PLAC1: variants seen among roughly 807,000 people sequenced by gnomAD.
PLAC1 encodes placenta-specific protein 1.
For synonymous variants in PLAC1, 68 were observed against 62.1 expected (o/e 1.09, Z -0.44); for missense variants, 136 against 163.2 (o/e 0.83, Z 0.91).
chrX:134,629,628 C>T (rs2078250923), intron 1 of PLAC1, among the ~76,000 whole-genome samples: 1 of 111,808 alleles, frequency 8.9e-6, no homozygotes, highest in Non-Finnish European at 1.9e-5. Context: ...TATTGCAGAA[C>T]TTGGGTCAAG....
Position 134,756,766 on chromosome X carries a change from G to A in PLAC1, n.89+7468C>T, listed in dbSNP as rs1487031578. Among the ~76,000 whole-genome samples the A allele has an allele frequency of 3.7e-5, 4 of 108,811 alleles. No homozygotes were observed. In the Admixed American group the frequency reaches 3.9e-4, roughly 11 times the overall value. 94.5% of individuals were successfully genotyped at this position (108,811 alleles called of 115,157 possible). A position where few individuals can be genotyped will look rare whatever the true frequency, so the allele number is the denominator to read the frequency against. ...CAGGAGGCTGAGGCAGGAGAATGGC[G>A]TGAACCCGGGAGGCGGAGGTTGCAT... On this transcript the variant is annotated intron_variant and non_coding_transcript_variant, in intron 1 of 2. Transcript: ENST00000466797.
At chrX:134,616,014 T>C (rs2078177401) in intron 1 of PLAC1, among the ~76,000 whole-genome samples, 1 of 110,824 alleles carries the variant, frequency 9.0e-6, no homozygotes, top group Admixed American at 9.7e-5. Flanking sequence ...AGGGTCTTGC[T>C]CATCACTCAG....
At chrX:134,623,962 A>G (rs1250952130) in intron 1 of PLAC1, among the ~76,000 whole-genome samples, 1 of 111,974 alleles carries the variant, frequency 8.9e-6, no homozygotes, top group Non-Finnish European at 1.9e-5. Flanking sequence ...CTCTCTGCTG[A>G]TAAGTGCATT....
chrX:134,684,411 TAAAAAAAA>T (rs10606569), intron 2 of PLAC1, among the ~76,000 whole-genome samples: 7 of 80,981 alleles, frequency 8.6e-5, no homozygotes, highest in Non-Finnish European at 1.2e-4. Flanking sequence ...GCTCTGCCAC[TAAAAAAAA>T]AAAAAAAAAA....
At chrX:134,686,886 T>C (rs1413623492) in intron 2 of PLAC1, among the ~76,000 whole-genome samples, 1 of 111,205 alleles carries the variant, frequency 9.0e-6, no homozygotes, top group Non-Finnish European at 1.9e-5. Flanking sequence ...TGGAAACCAA[T>C]GGGATGAATT....
At chrX:134,569,996 A>ATTTTTTTTTTTTT (rs1569373206) in intron 2 of PLAC1, among the ~76,000 whole-genome samples, 1 of 109,790 alleles carries the variant, frequency 9.1e-6, no homozygotes, top group African/African-American at 3.3e-5. Flanking sequence ...TGCCCTGCTA[A>ATTTTTTTTTTTTT]TTTTTGTATT....
chrX:134,663,193 C>G (rs748363902), upstream of PLAC1, among the ~76,000 whole-genome samples: 1 of 112,210 alleles, frequency 8.9e-6, no homozygotes, highest in African/African-American at 3.2e-5. Context: ...TTTTGACATG[C>G]ATTTTGTTGT....
chrX:134,745,970 G>A (rs1164522275), intron 1 of PLAC1, among the ~76,000 whole-genome samples: 2 of 111,717 alleles, frequency 1.8e-5, no homozygotes, highest in South Asian at 3.8e-4. Context: ...AAACACCAGC[G>A]TTAGTTTCAG....
At chrX:134,570,572 C>T (rs749772335) in intron 2 of PLAC1, among the ~76,000 whole-genome samples, 1 of 111,361 alleles carries the variant, frequency 9.0e-6, no homozygotes, top group Non-Finnish European at 1.9e-5. Flanking sequence ...TCACTGTAGC[C>T]CCATTTTGAC....
intron 2 of PLAC1, among the ~76,000 whole-genome samples, chrX:134,665,812 G>T (rs962154376): frequency 1.8e-5 from 2 of 111,071 alleles, no homozygotes; most frequent in Non-Finnish European, 3.8e-5. Flanking sequence ...ACCTGTCAAA[G>T]TCTGTGCCCA....
At chrX:134,633,913 A>G (rs1003170393) in intron 1 of PLAC1, among the ~76,000 whole-genome samples, 1 of 111,727 alleles carries the variant, frequency 9.0e-6, no homozygotes, top group African/African-American at 3.3e-5. Flanking sequence ...GGCAGGGGAA[A>G]GGGAAGTAGT....
chrX:134,735,423 A>G (rs1415409101), intron 1 of PLAC1, among the ~76,000 whole-genome samples: 1 of 105,692 alleles, frequency 9.5e-6, no homozygotes, highest in Non-Finnish European at 1.9e-5. Context: ...TGCTCTAAAG[A>G]TTTGTTAAAA....
In PLAC1 at chrX:134,566,434, C is replaced by A; in HGVS notation, c.249G>T (p.Arg83Ser). Residue 83 changes from arginine to serine, a missense_variant, in exon 3 of 3, where the codon AGG becomes AGT. Arg to Ser is a moderately radical substitution (Grantham distance 110, BLOSUM62 -1). Coordinates refer to ENST00000359237, the MANE Select transcript of PLAC1 (RefSeq NM_021796.4). ...CCATGTCCTGAGAGACAGCTTTGGC[C>A]CTGATGCCACATTCAGTAACACGGT... ...FTYRVTECGI[R>S]AKAVSQDMVI... is the part of the protein sequence containing the mutation. 8.3e-7 allele frequency: 1 copy of A among 1,211,698 alleles called. No individual in the cohort carries two copies. The highest frequency in any genetic ancestry group is 1.1e-6 in the Non-Finnish European group (1 of 895,510).
intron 2 of PLAC1, among the ~76,000 whole-genome samples, chrX:134,594,202 C>A (rs773966951): frequency 1.3e-4 from 14 of 111,666 alleles, no homozygotes; most frequent in Non-Finnish European, 2.6e-4. Context: ...GTGGTTCACA[C>A]TGATTGATTT....
chrX:134,638,333 A>G (rs924072253), intron 1 of PLAC1, among the ~76,000 whole-genome samples: 5 of 112,248 alleles, frequency 4.5e-5, no homozygotes, highest in African/African-American at 1.6e-4. Flanking sequence ...CATTTAGACT[A>G]AAGAGTTGTT....
At chrX:134,659,849 G>A (rs2078409237), upstream of PLAC1, among the ~76,000 whole-genome samples, 1 of 111,837 alleles carries the variant, frequency 8.9e-6, no homozygotes, top group Non-Finnish European at 1.9e-5. Flanking sequence ...AGAACAGAGA[G>A]ATTAAATAAC....
At position 134,731,822 on chromosome X, in the gene PLAC1, T is replaced by G. The variant is rs370011021; in HGVS notation, n.174+1613A>C. Reference sequence around the variant, plus strand: ...ATCCCAGCACTATGGCCTCCATCCTTGGGAGCTTTTGCCTCCTTGAGACAC... The same window carrying G: ...ATCCCAGCACTATGGCCTCCATCCTGGGGAGCTTTTGCCTCCTTGAGACAC... On this transcript the variant is annotated intron_variant and non_coding_transcript_variant, in intron 2 of 2. Coordinates refer to the PLAC1 transcript ENST00000466797. Among the ~76,000 whole-genome samples the G allele has an allele frequency of 3.6e-4, 40 of 112,016 alleles. No individual in the cohort carries two copies. The South Asian group carries it at 0.015, about 41-fold the overall frequency.
upstream of PLAC1, among the ~76,000 whole-genome samples, chrX:134,661,797 A>G (rs142167733): frequency 8.1e-4 from 91 of 112,396 alleles, no homozygotes; most frequent in Middle Eastern, 0.018. Flanking sequence ...CTCCCCAACA[A>G]AAAAAGACAG....
chrX:134,682,719 C>T (rs760306753), intron 2 of PLAC1, among the ~76,000 whole-genome samples: 2 of 110,806 alleles, frequency 1.8e-5, no homozygotes, highest in African/African-American at 6.6e-5. Flanking sequence ...CCACGCCCAG[C>T]TAATTTTTGT....
Sources: allele counts gnomAD v4.1 joint callset (sites outside exome capture counted in the v4.1 genomes callset), GRCh38; gene constraint gnomAD v4.1.1; transcripts MANE v1.5; gene names NCBI Gene and HGNC (gene_info 2026-07-23, HGNC 2026-07-21).